Variants in SNX14 observed in about 807,000 individuals in gnomAD.
The protein encoded by SNX14 is sorting nexin-14.
SNX14 carries 93 observed loss-of-function variants against 133.8 expected under a neutral mutation model. The ratio of observed to expected loss-of-function variants is 0.70; its 90% CI spans 0.59 to 0.83. The LOEUF is 0.83. Among genes scored for constraint, SNX14 ranks in the 40% least tolerant of loss-of-function variants. The pLI, the probability that SNX14 is intolerant of heterozygous loss-of-function variation, is 0.00. For missense variants in SNX14, 945 were observed against 1,094.9 expected (o/e 0.86, Z 1.93); for synonymous variants, 368 against 365.6 (o/e 1.01, Z -0.07).
intron 7 of SNX14, among the ~76,000 whole-genome samples, chr6:85,552,032 CTTT>C (rs71551482): frequency 8.8e-6 from 1 of 114,142 alleles, no homozygotes. Flanking sequence ...TGTTGGGAAT[CTTT>C]TTTTTTTTTT....
intron 9 of SNX14, 144 bp downstream of exon 9, chr6:85,548,157 G>A: frequency 3.2e-6 from 2 of 620,564 alleles, no homozygotes; most frequent in South Asian, 2.0e-5. Flanking sequence ...AAGATGAAGA[G>A]TTCTGGAGAT....
intron 6 of SNX14, among the ~76,000 whole-genome samples, chr6:85,559,309 T>C (rs938256195): frequency 2.0e-5 from 3 of 152,226 alleles, no homozygotes; most frequent in African/African-American, 7.2e-5. Flanking sequence ...TATAAATTAC[T>C]CTCATATTTA....
intron 1 of SNX14, among the ~76,000 whole-genome samples, chr6:85,575,337 T>C (rs1438909624): frequency 6.6e-6 from 1 of 152,180 alleles, no homozygotes; most frequent in East Asian, 1.9e-4. Flanking sequence ...AGTAACTGTA[T>C]AAAGTACAAA....
intron 6 of SNX14, among the ~76,000 whole-genome samples, chr6:85,560,500 G>A (rs907126286): frequency 2.6e-5 from 4 of 152,188 alleles, no homozygotes; most frequent in Non-Finnish European, 5.9e-5. Flanking sequence ...AAGAGGTGAT[G>A]TTTATGGCTA....
chr6:85,511,946 A>T (rs953759576), intron 26 of SNX14, among the ~76,000 whole-genome samples: 2 of 152,082 alleles, frequency 1.3e-5, no homozygotes, highest in Non-Finnish European at 2.9e-5. Flanking sequence ...ATGGAGGGAG[A>T]GGAAGGGTTC....
chr6:85,563,845 A>C (rs1792735883), intron 6 of SNX14, among the ~76,000 whole-genome samples: 1 of 152,156 alleles, frequency 6.6e-6, no homozygotes, highest in Non-Finnish European at 1.5e-5. Context: ...ATATGTATAC[A>C]TGTGCCATGT....
intron 1 of SNX14, among the ~76,000 whole-genome samples, chr6:85,576,006 G>A (rs1408152273): frequency 6.6e-6 from 1 of 152,110 alleles, no homozygotes; most frequent in African/African-American, 2.4e-5. Flanking sequence ...TAAAATTACA[G>A]TGTACTACTC....
At chr6:85,515,273 A>AAC (rs1774512250) in intron 23 of SNX14, among the ~76,000 whole-genome samples, 7 of 143,020 alleles carry the variant, frequency 4.9e-5, no homozygotes, top group Non-Finnish European at 9.0e-5. Context: ...AAAAAAAAAA[A>AAC]AAAAAAAAAA....
At chr6:85,563,935 T>C (rs2128160646) in intron 6 of SNX14, among the ~76,000 whole-genome samples, 1 of 151,466 alleles carries the variant, frequency 6.6e-6, no homozygotes, top group East Asian at 2.0e-4. Context: ...CCCCACCCCA[T>C]GACAGGTCCT....
intron 6 of SNX14, among the ~76,000 whole-genome samples, chr6:85,563,915 TC>T (rs1014336064): frequency 2.6e-5 from 4 of 151,804 alleles, no homozygotes; most frequent in Admixed American, 2.0e-4. Flanking sequence ...ATACTATCCC[TC>T]CCCCCTTCCC....
chr6:85,587,901 G>C (rs1259691118), intron 1 of SNX14, among the ~76,000 whole-genome samples: 2 of 152,120 alleles, frequency 1.3e-5, no homozygotes, highest in East Asian at 3.8e-4. Context: ...TGGCCCAAAT[G>C]GTTTTACCAA....
At chr6:85,518,813 C>T (rs1775899334) in intron 21 of SNX14, among the ~76,000 whole-genome samples, 1 of 152,196 alleles carries the variant, frequency 6.6e-6, no homozygotes, top group Non-Finnish European at 1.5e-5. Flanking sequence ...AACACCCCCT[C>T]CTTAGAATGT....
In SNX14 at chr6:85,507,270, T is replaced by C. The variant is rs768689796; in HGVS notation, c.2765A>G (p.Asp922Gly). The change falls in exon 28 of 29, where the codon GAC (aspartate) becomes GGC (glycine). Residue 922 changes from aspartate to glycine, a missense_variant. Coordinates refer to ENST00000314673, the MANE Select transcript of SNX14 (RefSeq NM_153816.6). ...LNKQLTYVLLDIVIQELFPEL... is the reference protein window; with the variant it reads ...LNKQLTYVLLGIVIQELFPEL... Reference sequence around the variant, plus strand: ...TGGAAACAGTTCCTGTATCACAATGTCCAATAAAACATAAGTCAGCTAAAG... The same window carrying C: ...TGGAAACAGTTCCTGTATCACAATGCCCAATAAAACATAAGTCAGCTAAAG... The C allele has an allele frequency of 5.0e-6, 8 of 1,610,752 alleles. No individual in the cohort carries two copies. Among genetic ancestry groups the C allele is most frequent in the Non-Finnish European group, 5.9e-6 (7 of 1,179,038 alleles).
chr6:85,539,797 CCTGT>C (rs1783060729), intron 15 of SNX14, among the ~76,000 whole-genome samples: 1 of 151,834 alleles, frequency 6.6e-6, no homozygotes, highest in Admixed American at 6.6e-5. Context: ...ACCCATATAA[CCTGT>C]CTTTTTTATA....
chr6:85,586,591 C>G (rs1418157546), intron 1 of SNX14, among the ~76,000 whole-genome samples: 4 of 151,490 alleles, frequency 2.6e-5, no homozygotes, highest in African/African-American at 9.7e-5. Context: ...TTATTTCTAT[C>G]TTTTATAGAG....
intron 5 of SNX14, among the ~76,000 whole-genome samples, chr6:85,566,165 T>G (rs1454424858): frequency 6.6e-6 from 1 of 152,144 alleles, no homozygotes; most frequent in African/African-American, 2.4e-5. Context: ...GAAATACAAC[T>G]AGATTTTATG....
chr6:85,525,307 T>C (rs574329025), intron 21 of SNX14, among the ~76,000 whole-genome samples: 1 of 152,268 alleles, frequency 6.6e-6, no homozygotes, highest in Non-Finnish European at 1.5e-5. Flanking sequence ...ATAGTACTAG[T>C]AGAAATAAGG....
chr6:85,575,917 GACAA>G (rs962596802), intron 1 of SNX14, among the ~76,000 whole-genome samples: 8 of 152,188 alleles, frequency 5.3e-5, no homozygotes, highest in Non-Finnish European at 1.0e-4. Flanking sequence ...ATGAGAAGAA[GACAA>G]ACACTGTTTA....
rs185475778 is a variant in SNX14, at chr6:85,541,433, T to C, written c.1448+552A>G. Among the ~76,000 whole-genome samples, 157 of 152,294 alleles carry C rather than the reference T, an allele frequency of 1.0e-3. 1 individual carries two copies. The highest frequency in any genetic ancestry group is 2.8e-4 in the Non-Finnish European group (19 of 68,024). On this transcript the variant is annotated intron_variant, in intron 15 of 28. Coordinates refer to ENST00000314673, the MANE Select transcript of SNX14 (RefSeq NM_153816.6). ...AGAGCAAATCTATAAATCTACAGAA[T>C]AGATTTATAGATTTGATGTCTGTAT...
Sources: allele counts gnomAD v4.1 joint callset (sites outside exome capture counted in the v4.1 genomes callset), GRCh38; gene constraint gnomAD v4.1.1; transcripts MANE v1.5; gene names NCBI Gene and HGNC (gene_info 2026-07-23, HGNC 2026-07-21).